TOM1: variants seen among roughly 807,000 people sequenced by gnomAD.
TOM1 encodes the protein target of myb1 membrane trafficking protein, also known as target of Myb protein 1.
Under a neutral mutation model 61.3 loss-of-function variants are expected in TOM1, and 38 were observed. That is an observed-to-expected ratio of 0.62 (90% CI 0.48 to 0.81). The LOEUF (loss-of-function observed/expected upper bound fraction) is 0.81. Among genes scored for constraint, TOM1 ranks in the 40% least tolerant of loss-of-function variants. The pLI is 0.00. For synonymous variants in TOM1, 270 were observed against 268.8 expected, an observed-to-expected ratio of 1.00 and a Z score of -0.04; for missense variants, 591 against 659.6, an observed-to-expected ratio of 0.90 and a Z score of 1.14.
At chr22:35,342,012 G>T (rs1929916101) in intron 12 of TOM1, among the ~76,000 whole-genome samples, 1 of 152,060 alleles carries the variant, frequency 6.6e-6, no homozygotes, top group African/African-American at 2.4e-5. Flanking sequence ...GCGGTGGCAG[G>T]TACCTGTAGT....
chr22:35,302,815 C>T (rs1925959360), intron 1 of TOM1, among the ~76,000 whole-genome samples: 1 of 152,116 alleles, frequency 6.6e-6, no homozygotes, highest in Admixed American at 6.5e-5. Flanking sequence ...TGAAGAGGCT[C>T]CAAAAGTAGA....
At chr22:35,300,029 G>T in intron 1 of TOM1, 49 bp downstream of exon 1, 1 of 1,548,568 alleles carries the variant, frequency 6.5e-7, no homozygotes. Context: ...TCCGCACCCA[G>T]CTTCGGTCCC....
chr22:35,345,952 G>A (rs1005056533), intron 13 of TOM1, among the ~76,000 whole-genome samples, 168 bp downstream of exon 13: 3 of 152,158 alleles, frequency 2.0e-5, no homozygotes, highest in Non-Finnish European at 2.9e-5. Flanking sequence ...TGTTTGGCAC[G>A]CCCCCCAGAG....
At chr22:35,310,326 G>A (rs990804473) in intron 1 of TOM1, among the ~76,000 whole-genome samples, 4 of 152,190 alleles carry the variant, frequency 2.6e-5, no homozygotes, top group African/African-American at 4.8e-5. Flanking sequence ...AGGCCAAGAC[G>A]GGTGGATCAC....
intron 2 of TOM1, among the ~76,000 whole-genome samples, chr22:35,319,222 TG>T (rs1440966430): frequency 6.6e-6 from 1 of 152,064 alleles, no homozygotes; most frequent in Non-Finnish European, 1.5e-5. Context: ...GCAGTATCCT[TG>T]GGGACAGCAA....
At chr22:35,330,076 G>A (rs757584955) in intron 7 of TOM1, among the ~76,000 whole-genome samples, 3 of 151,934 alleles carry the variant, frequency 2.0e-5, no homozygotes, top group African/African-American at 7.2e-5. Flanking sequence ...TCAGGAGATC[G>A]AGACCACCCT....
At chr22:35,343,542 AC>A (rs1354026477) in intron 12 of TOM1, among the ~76,000 whole-genome samples, 1 of 120,590 alleles carries the variant, frequency 8.3e-6, no homozygotes, top group Non-Finnish European at 1.7e-5. Context: ...ACACATCTAC[AC>A]CCACCACACA....
chr22:35,324,037 G>A, intron 6 of TOM1, 123 bp downstream of exon 6: 1 of 1,203,878 alleles, frequency 8.3e-7, no homozygotes, highest in South Asian at 1.6e-5. Flanking sequence ...CAGCCCACAG[G>A]GTATGTGTGG....
chr22:35,318,056 C>T (rs1311395822), intron 2 of TOM1, 95 bp downstream of exon 2: 2 of 1,121,870 alleles, frequency 1.8e-6, no homozygotes, highest in Non-Finnish European at 2.7e-6. Context: ...GCCCCAGCCC[C>T]ATTGCTGCCA....
chr22:35,304,541 C>T (rs1394140073), intron 1 of TOM1, among the ~76,000 whole-genome samples: 4 of 152,144 alleles, frequency 2.6e-5, no homozygotes, highest in African/African-American at 9.6e-5. Context: ...TGCAGTGGCG[C>T]GATCTCGGCT....
chr22:35,319,509 G>A (rs1927590584), intron 2 of TOM1, among the ~76,000 whole-genome samples: 1 of 152,220 alleles, frequency 6.6e-6, no homozygotes, highest in African/African-American at 2.4e-5. Flanking sequence ...CAGTGGCAAG[G>A]CCAGAACTTC....
chr22:35,316,547 G>A (rs183826938), intron 1 of TOM1, among the ~76,000 whole-genome samples: 15 of 152,318 alleles, frequency 9.8e-5, no homozygotes, highest in East Asian at 1.9e-4. Flanking sequence ...TGCCAAGCCC[G>A]GTGCTTGCTA....
chr22:35,327,433 AG>A (rs1246883171), intron 7 of TOM1, 46 bp downstream of exon 7: 1 of 1,321,178 alleles, frequency 7.6e-7, no homozygotes, highest in African/African-American at 1.4e-5. Context: ...ACTCCTGCCC[AG>A]CTGCCCACAT....
intron 11 of TOM1, 49 bp from the exon 12 acceptor site, chr22:35,338,664 C>T (rs1451655990): frequency 1.4e-6 from 2 of 1,455,632 alleles, no homozygotes; most frequent in Non-Finnish European, 1.8e-6. Flanking sequence ...GTTCTTGCAT[C>T]AGCCATCGGT....
At position 35,347,167 on chromosome 22, in the gene TOM1, G is replaced by T. The variant is rs1474723733; in HGVS notation, c.1437G>T (p.Lys479Asn). The T allele has an allele frequency of 6.2e-7, 1 of 1,613,068 alleles. No individual in the cohort carries two copies. Among genetic ancestry groups the T allele is most frequent in the Non-Finnish European group, 8.5e-7 (1 of 1,179,630 alleles). Residue 479 changes from lysine (K) to asparagine (N), a missense_variant, in exon 15 of 15, where the codon AAG becomes AAT. Coordinates refer to ENST00000449058, the MANE Select transcript of TOM1 (RefSeq NM_005488.3). ...CCCCATCTGGCCCAGCGCCCCGGAA[G>T]AAGACCCAGGAGAAAGATGATGACA... is the stretch of plus-strand genomic sequence containing the variant. ...PGPPSGPAPR[K>N]KTQEKDDDML...
intron 12 of TOM1, among the ~76,000 whole-genome samples, chr22:35,341,231 C>T (rs1354947522): frequency 6.6e-6 from 1 of 152,210 alleles, no homozygotes; most frequent in Admixed American, 6.5e-5. Flanking sequence ...CCAGGAAGAG[C>T]TTAAGTGAAA....
chr22:35,313,646 A>T (rs1272131768), intron 1 of TOM1, among the ~76,000 whole-genome samples: 1 of 151,834 alleles, frequency 6.6e-6, no homozygotes, highest in Non-Finnish European at 1.5e-5. Context: ...GACTCGTCCC[A>T]CTCCACCCTC....
intron 1 of TOM1, among the ~76,000 whole-genome samples, chr22:35,314,277 G>A (rs564293952): frequency 2.6e-5 from 4 of 152,116 alleles, no homozygotes; most frequent in Non-Finnish European, 4.4e-5. Context: ...GCCTTGTCCC[G>A]ATTTTGTCTC....
At chr22:35,300,101 T>C (rs946399087) in intron 1 of TOM1, 121 bp downstream of exon 1, 1 of 1,108,160 alleles carries the variant, frequency 9.0e-7, no homozygotes, top group Non-Finnish European at 1.3e-6. Flanking sequence ...GGCGTGTAGC[T>C]CTCCGACCTG....
Sources: gnomAD v4.1 joint callset for allele counts (sites outside exome capture counted in the v4.1 genomes callset) on GRCh38, gnomAD v4.1.1 for gene constraint, MANE v1.5 for transcripts, NCBI Gene and HGNC (gene_info 2026-07-23, HGNC 2026-07-21) for gene names.